Variants in DPH1 observed in about 807,000 individuals in gnomAD.
DPH1 encodes diphthamide biosynthesis 1.
In DPH1, 59 loss-of-function variants were observed where a neutral mutation model predicts 55.3. The ratio of observed to expected loss-of-function variants is 1.07; its 90% CI spans 0.87 to 1.33. The LOEUF (loss-of-function observed/expected upper bound fraction) is 1.33, where lower values mean the gene tolerates loss of function less well. DPH1 is among the 40% of genes most tolerant of loss of function. The pLI is 0.00. For missense variants in DPH1, 628 were observed against 584.8 expected (o/e 1.07, Z -0.76); for synonymous variants, 238 against 235.5 (o/e 1.01, Z -0.10).
chr17:2,030,307 C>T, intron 1 of DPH1, 77 bp downstream of exon 1: 1 of 1,440,602 alleles, frequency 6.9e-7, no homozygotes, highest in Non-Finnish European at 9.2e-7. Flanking sequence ...GGACCAACCC[C>T]CTTTAACGGC....
At chr17:2,040,038 C>G (rs1461949122) in intron 7 of DPH1, among the ~76,000 whole-genome samples, 180 bp from the exon 8 acceptor site, 1 of 152,242 alleles carries the variant, frequency 6.6e-6, no homozygotes, top group African/African-American at 2.4e-5. Flanking sequence ...GCCGCCCACT[C>G]TTGTCTGCTC....
At chr17:2,032,778 C>G (rs898543377) in intron 1 of DPH1, among the ~76,000 whole-genome samples, 1 of 152,222 alleles carries the variant, frequency 6.6e-6, no homozygotes, top group African/African-American at 2.4e-5. Flanking sequence ...GTGTCTCGCT[C>G]TGTTGCCCAG....
At chr17:2,032,705 A>G (rs1841160372) in intron 1 of DPH1, among the ~76,000 whole-genome samples, 1 of 152,206 alleles carries the variant, frequency 6.6e-6, no homozygotes, top group African/African-American at 2.4e-5. Context: ...CTTAAGACCT[A>G]AACTTCCTGA....
chr17:2,040,842 T>C (rs896829795), intron 9 of DPH1: 4 of 625,042 alleles, frequency 6.4e-6, no homozygotes, highest in African/African-American at 1.8e-5. Flanking sequence ...GGCTGACACC[T>C]GCCCTGTACC....
chr17:2,036,710 C>A lies in DPH1; in HGVS notation c.558+24C>A. 1 of 1,613,236 alleles carries A rather than the reference C, an allele frequency of 6.2e-7. No homozygotes were observed. Among genetic ancestry groups the A allele is most frequent in the East Asian group, 2.2e-5 (1 of 44,872 alleles). On this transcript the variant is annotated intron_variant, in intron 5 of 12. Transcript: ENST00000263083. This position sits in a 1 kb window ranked among gnomAD's most constrained non-coding sequence, Gnocchi z 4.8. ...AGGTGGGTGGAACGAGGATCCTCGGCCTCCTGCAGGGTGGACAGCGGCCAC... is the reference window on the plus strand; with the variant it reads ...AGGTGGGTGGAACGAGGATCCTCGGACTCCTGCAGGGTGGACAGCGGCCAC...
At chr17:2,034,476 C>G (rs1449762751) in intron 3 of DPH1, among the ~76,000 whole-genome samples, 1 of 138,138 alleles carries the variant, frequency 7.2e-6, no homozygotes, top group South Asian at 2.5e-4. Context: ...CCATCGCCCT[C>G]CCCTGCTCCT....
Position 2,042,934 on chromosome 17 carries a change from CTCCATGTT to C in DPH1, c.*350_*357del, listed in dbSNP as rs1398665985. The C allele has an allele frequency of 4.3e-6, 7 of 1,614,050 alleles. No homozygotes were observed. Among genetic ancestry groups the C allele is most frequent in the Non-Finnish European group, 5.9e-6 (7 of 1,180,046 alleles). On this transcript the variant is annotated 3_prime_UTR_variant, in exon 13 of 13. Coordinates refer to ENST00000263083, the MANE Select transcript of DPH1 (RefSeq NM_001383.6). ...GCAAAGGCCCTTGTCATTGCCTTCG[CTCCATGTT>C]TTTGGGGACACTGACAAAGTCATCC...
chr17:2,036,044 G>C lies in DPH1; in HGVS notation c.353G>C (p.Arg118Thr), dbSNP rs767626210. The change falls in exon 4 of 13, where the codon AGG becomes ACG. Residue 118 changes from arginine to threonine, a missense_variant. Coordinates refer to ENST00000263083, the MANE Select transcript of DPH1 (RefSeq NM_001383.6). The surrounding 1 kb of genome is among the most constrained non-coding windows in gnomAD (Gnocchi z 4.8). The stretch of plus-strand genomic sequence containing the variant: ...TGCTGTGTGGATGACTTCACAGCGA[G>C]GGCCCTGGGAGCTGACTTCTTGGTG... ...GACCVDDFTARALGADFLVHY... is the reference protein window; with the variant it reads ...GACCVDDFTATALGADFLVHY... 80 of 1,614,026 alleles carry C rather than the reference G, an allele frequency of 5.0e-5. No homozygotes were observed. In the South Asian group the frequency reaches 8.6e-4, roughly 17 times the overall value.
In DPH1 at chr17:2,043,193, CTG is replaced by C; in HGVS notation, c.*610_*611del. The C allele has an allele frequency of 6.9e-7, 1 of 1,453,552 alleles. No individual in the cohort carries two copies. Among genetic ancestry groups the C allele is most frequent in the Non-Finnish European group, 9.3e-7 (1 of 1,073,864 alleles). The allele number at this position is 1,453,552 out of a possible 1,614,324, so 90.0% of individuals were successfully genotyped here. ...CCCTCCCAGGACCCTCCACTCACTG[CTG>C]TGAGTGCGCCTCACCAGAACCAGTT... On this transcript the variant is annotated 3_prime_UTR_variant, in exon 13 of 13. Transcript: ENST00000263083.
chr17:2,040,865 T>C (rs888589001), intron 9 of DPH1: 2 of 626,178 alleles, frequency 3.2e-6, no homozygotes, highest in Non-Finnish European at 5.6e-6. Context: ...GTACTAAATG[T>C]GGTTCTGGGG....
At chr17:2,041,966 A>G in intron 12 of DPH1, 91 bp downstream of exon 12, 1 of 1,516,546 alleles carries the variant, frequency 6.6e-7, no homozygotes, top group East Asian at 2.5e-5. Flanking sequence ...GGCGGTGCTG[A>G]CGTTCGGTTC....
chr17:2,033,658 G>A lies in DPH1; in HGVS notation c.214+1G>A, dbSNP rs1456210453. On this transcript the variant is annotated splice_donor_variant, in intron 2 of 12. Coordinates refer to ENST00000263083, the MANE Select transcript of DPH1 (RefSeq NM_001383.6). LOFTEE classifies it high-confidence loss of function. ...ATCCAACAAGCCCAGGCCAAGAAGGGTGAGCCTGTGATCATTGAGCTGGGG... is the reference window on the plus strand; with the variant it reads ...ATCCAACAAGCCCAGGCCAAGAAGGATGAGCCTGTGATCATTGAGCTGGGG... 1.9e-6 allele frequency: 3 copies of A among 1,613,990 alleles called. No homozygotes were observed. The highest frequency in any genetic ancestry group is 3.3e-5 in the Admixed American group (2 of 60,018).
Position 2,042,765 on chromosome 17 carries a change from T to C in DPH1, c.*179T>C. On this transcript the variant is annotated 3_prime_UTR_variant, in exon 13 of 13. Transcript: ENST00000263083. ...ACAGGCTGGGGCCTTTTGACGGCCTTCTTGGTTTCAGCCAAGGGGCTGCGC... is the reference window on the plus strand; with the variant it reads ...ACAGGCTGGGGCCTTTTGACGGCCTCCTTGGTTTCAGCCAAGGGGCTGCGC... 1.2e-6 allele frequency: 2 copies of C among 1,608,696 alleles called. No individual in the cohort carries two copies. Among genetic ancestry groups the C allele is most frequent in the Non-Finnish European group, 1.7e-6 (2 of 1,177,802 alleles).
chr17:2,043,210 C>T lies in DPH1; in HGVS notation c.*624C>T. On this transcript the variant is annotated 3_prime_UTR_variant, in exon 13 of 13. Transcript: ENST00000263083. ...ACTCACTGCTGTGAGTGCGCCTCAC[C>T]AGAACCAGTTAAGAGACAACTATCA... is the stretch of plus-strand genomic sequence containing the variant. 7.5e-7 allele frequency: 1 copy of T among 1,334,570 alleles called. No individual in the cohort carries two copies. The allele number at this position is 1,334,570 out of a possible 1,614,324, so 82.7% of individuals were successfully genotyped here.
chr17:2,042,161 G>A, intron 12 of DPH1: 2 of 1,493,806 alleles, frequency 1.3e-6, no homozygotes, highest in South Asian at 1.3e-5. Flanking sequence ...GTCGCGCCGA[G>A]CTCGTGTGCC....
intron 7 of DPH1, 107 bp downstream of exon 7, chr17:2,039,930 GC>G: frequency 1.3e-6 from 2 of 1,519,418 alleles, no homozygotes; most frequent in Admixed American, 3.4e-5. Flanking sequence ...TAAGCCACCA[GC>G]CCTAAGGGTC....
Position 2,039,815 on chromosome 17 carries a change from C to T in DPH1, c.741C>T (p.Pro247=), listed in dbSNP as rs369593878. ...ESVMIANPNV[P]AYRYDPYSKV... ...TCATGATTGCCAACCCCAATGTCCC[C>T]GCTTACCGGTATGGGCTGGGCCGGG... Residue 247 remains proline, a synonymous_variant, in exon 7 of 13, where the codon CCC becomes CCT. Coordinates refer to ENST00000263083, the MANE Select transcript of DPH1 (RefSeq NM_001383.6). The T allele has an allele frequency of 3.0e-5, 48 of 1,614,036 alleles. 1 individual carries two copies. Among genetic ancestry groups the T allele is most frequent in the African/African-American group, 1.7e-4 (13 of 74,946 alleles).
intron 7 of DPH1, among the ~76,000 whole-genome samples, 178 bp from the exon 8 acceptor site, chr17:2,040,040 T>A (rs1373021961): frequency 2.0e-5 from 3 of 152,200 alleles, no homozygotes; most frequent in Non-Finnish European, 2.9e-5. Context: ...CGCCCACTCT[T>A]GTCTGCTCCA....
At position 2,033,891 on chromosome 17, in the gene DPH1, C is replaced by A. The variant is rs564308558; in HGVS notation, c.278+49C>A. The A allele has an allele frequency of 5.0e-6, 8 of 1,607,408 alleles. No homozygotes were observed. The East Asian group carries it at 1.8e-4, about 36-fold the overall frequency. ...GAGGGTGAGCCAGGCTTCCCCCACC[C>A]CCTATGCTCATTACCCGGGTGGGTA... is the stretch of plus-strand genomic sequence containing the variant. On this transcript the variant is annotated intron_variant, in intron 3 of 12. Transcript: ENST00000263083.
Sources: gnomAD v4.1 joint callset for allele counts (sites outside exome capture counted in the v4.1 genomes callset) on GRCh38, gnomAD v4.1.1 for gene constraint, Gnocchi (gnomAD v3.1) non-coding constraint, MANE v1.5 for transcripts, NCBI Gene and HGNC (gene_info 2026-07-23, HGNC 2026-07-21) for gene names.